Variants in SMPD3 observed in about 807,000 individuals in gnomAD.
SMPD3 encodes the protein nSMase-2.
Under a neutral mutation model 55.7 loss-of-function variants are expected in SMPD3, and 21 were observed. The observed-to-expected ratio is 0.38, with a 90% CI of 0.27 to 0.54. The LOEUF (loss-of-function observed/expected upper bound fraction) is 0.54. Among genes scored for constraint, SMPD3 ranks in the 20% least tolerant of loss-of-function variants. The pLI is 0.80. For missense variants in SMPD3, 842 were observed against 899.6 expected (o/e 0.94, Z 0.82); for synonymous variants, 457 against 404.3 (o/e 1.13, Z -1.56).
Position 68,360,962 on chromosome 16 carries a change from C to G in SMPD3, c.*244G>C. The G allele has an allele frequency of 2.0e-6, 1 of 510,838 alleles. No homozygotes were observed. Among genetic ancestry groups the G allele is most frequent in the Admixed American group, 3.7e-5 (1 of 27,348 alleles). The allele number at this position is 510,838 out of a possible 1,614,324, so 31.6% of individuals were successfully genotyped here. On this transcript the variant is annotated 3_prime_UTR_variant, in exon 9 of 9. Coordinates refer to ENST00000219334, the MANE Select transcript of SMPD3 (RefSeq NM_018667.4). Reference sequence around the variant, plus strand: ...GTTGTGCTGTAGATTTGTAGAAAATCGTGTTGTGAAAGAATGGCACTGGTT... The same window carrying G: ...GTTGTGCTGTAGATTTGTAGAAAATGGTGTTGTGAAAGAATGGCACTGGTT...
chr16:68,437,631 A>G (rs891983180), intron 1 of SMPD3, among the ~76,000 whole-genome samples: 4 of 152,194 alleles, frequency 2.6e-5, no homozygotes, highest in African/African-American at 4.8e-5. Context: ...TATCTTGCAC[A>G]TCAAAACTCT....
intron 1 of SMPD3, among the ~76,000 whole-genome samples, chr16:68,426,520 T>C (rs557778910): frequency 6.0e-4 from 91 of 152,248 alleles, no homozygotes; most frequent in Non-Finnish European, 9.0e-4. Context: ...TAAAAGTGAC[T>C]CATTGATGAA....
chr16:68,412,145 G>T (rs950553559), intron 1 of SMPD3, among the ~76,000 whole-genome samples: 4 of 152,174 alleles, frequency 2.6e-5, no homozygotes, highest in African/African-American at 9.7e-5. Flanking sequence ...AAGGCCTGGG[G>T]CAACTTCCTA....
chr16:68,373,589 C>G (rs970150388), intron 2 of SMPD3, among the ~76,000 whole-genome samples: 1 of 152,162 alleles, frequency 6.6e-6, no homozygotes, highest in Admixed American at 6.5e-5. Flanking sequence ...CCTGGTCACC[C>G]AAGCCAGGGA....
chr16:68,432,911 C>T (rs180921385), intron 1 of SMPD3, among the ~76,000 whole-genome samples: 1 of 152,238 alleles, frequency 6.6e-6, no homozygotes, highest in East Asian at 1.9e-4. Context: ...TCAAGTGATC[C>T]TCTCACCTCA....
At chr16:68,444,455 C>T (rs180944140) in intron 1 of SMPD3, among the ~76,000 whole-genome samples, 16 of 152,304 alleles carry the variant, frequency 1.1e-4, no homozygotes, top group Non-Finnish European at 2.1e-4. Flanking sequence ...TTCTAAGGAG[C>T]CTCTCAGAAC....
At chr16:68,412,035 G>C (rs1471077325) in intron 1 of SMPD3, among the ~76,000 whole-genome samples, 1 of 152,164 alleles carries the variant, frequency 6.6e-6, no homozygotes, top group Non-Finnish European at 1.5e-5. Context: ...GAAGGAAGAA[G>C]GAGGCAGGAG....
chr16:68,386,614 G>A lies in SMPD3; in HGVS notation c.-223C>T, dbSNP rs1185902476. On this transcript the variant is annotated 5_prime_UTR_variant, in exon 2 of 9. Transcript: ENST00000219334. ...TGGTTTTACCTGAGGAGGGGCCACT[G>A]GGACCTTGTTGTCCTTCTCTCTGAA... 4 of 148,518 alleles carry A rather than the reference G, an allele frequency of 2.7e-5. No individual in the cohort carries two copies. The highest frequency in any genetic ancestry group is 5.9e-5 in the Non-Finnish European group (4 of 67,236). The allele number at this position is 148,518 out of a possible 1,614,324, so 9.2% of individuals were successfully genotyped here.
intron 3 of SMPD3, chr16:68,369,307 TGAAAA>T (rs1207675810): frequency 6.6e-6 from 1 of 151,816 alleles, no homozygotes. Flanking sequence ...TAGAGGAAGA[TGAAAA>T]GAACTTTCAG....
intron 1 of SMPD3, among the ~76,000 whole-genome samples, chr16:68,419,368 T>G (rs1299504772): frequency 6.6e-6 from 1 of 152,164 alleles, no homozygotes; most frequent in Non-Finnish European, 1.5e-5. Flanking sequence ...TCTGGAACCT[T>G]CCTTTGGGGG....
intron 1 of SMPD3, among the ~76,000 whole-genome samples, chr16:68,425,353 G>C (rs1324953172): frequency 6.6e-6 from 1 of 152,226 alleles, no homozygotes; most frequent in Non-Finnish European, 1.5e-5. Context: ...GATGGGTGAA[G>C]GCAGGGGCAA....
chr16:68,367,541 A>T (rs1045032211), intron 3 of SMPD3: 1 of 152,228 alleles, frequency 6.6e-6, no homozygotes, highest in Non-Finnish European at 1.5e-5. Flanking sequence ...CCTCTCACTC[A>T]TCCAACACTT....
At chr16:68,410,579 C>A (rs115196176) in intron 1 of SMPD3, among the ~76,000 whole-genome samples, 1 of 152,188 alleles carries the variant, frequency 6.6e-6, no homozygotes, top group Non-Finnish European at 1.5e-5. Flanking sequence ...ACTTTGGACA[C>A]CTAAGGCTCA....
At position 68,371,488 on chromosome 16, in the gene SMPD3, C is replaced by T. The variant is rs1425413100; in HGVS notation, c.694G>A (p.Asp232Asn). Reference sequence around the variant, plus strand: ...TCCGGGCTGCTGCTGTCGACAGGGTCCCCAGAGGCTGGGCCGTTGGCAGCC... The same window carrying T: ...TCCGGGCTGCTGCTGTCGACAGGGTTCCCAGAGGCTGGGCCGTTGGCAGCC... ...DEAANGPASG[D>N]PVDSSSPEDA... Residue 232 changes from aspartate (D) to asparagine (N), a missense_variant, in exon 3 of 9, where the codon GAC becomes AAC. Physicochemically the swap from Asp to Asn is conservative, Grantham distance 23. Transcript: ENST00000219334. The T allele has an allele frequency of 1.9e-6, 3 of 1,598,804 alleles. No individual in the cohort carries two copies. The highest frequency in any genetic ancestry group is 1.7e-6 in the Non-Finnish European group (2 of 1,179,508).
chr16:68,364,985 C>G, intron 4 of SMPD3, 32 bp downstream of exon 4: 1 of 1,613,966 alleles, frequency 6.2e-7, no homozygotes, highest in Non-Finnish European at 8.5e-7. Context: ...GATCCCATGC[C>G]TAGAAAAAAC....
chr16:68,403,167 C>A (rs907714828), intron 1 of SMPD3, among the ~76,000 whole-genome samples: 1 of 152,226 alleles, frequency 6.6e-6, no homozygotes, highest in South Asian at 2.1e-4. Flanking sequence ...CTGACCATCC[C>A]GTACAAATAA....
intron 1 of SMPD3, among the ~76,000 whole-genome samples, chr16:68,394,369 C>T (rs934882693): frequency 6.6e-6 from 1 of 152,220 alleles, no homozygotes; most frequent in Non-Finnish European, 1.5e-5. Context: ...ATGCCAATTA[C>T]TACTTCCAGG....
intron 1 of SMPD3, among the ~76,000 whole-genome samples, chr16:68,412,616 A>G (rs561843928): frequency 1.2e-4 from 19 of 152,312 alleles, no homozygotes; most frequent in South Asian, 1.2e-3. Flanking sequence ...ACCTGGTTTC[A>G]ATTACAAAGA....
intron 3 of SMPD3, among the ~76,000 whole-genome samples, chr16:68,370,453 C>A (rs1279055894): frequency 1.3e-5 from 2 of 152,202 alleles, no homozygotes; most frequent in East Asian, 3.8e-4. Context: ...GGGCCCCTAC[C>A]TCCTGTTCTT....
Sources: gnomAD v4.1 joint callset for allele counts (sites outside exome capture counted in the v4.1 genomes callset) on GRCh38, gnomAD v4.1.1 for gene constraint, MANE v1.5 for transcripts, NCBI Gene and HGNC (gene_info 2026-07-23, HGNC 2026-07-21) for gene names.